Variants in ANO10 observed in about 807,000 individuals in gnomAD.
ANO10 encodes anoctamin-10.
In ANO10, 77 loss-of-function variants were observed where a neutral mutation model predicts 74.7. The observed-to-expected ratio is 1.03, with a 90% CI of 0.86 to 1.25. The LOEUF (loss-of-function observed/expected upper bound fraction) is 1.25, where lower values mean the gene tolerates loss of function less well. ANO10 is among the 50% of genes most tolerant of loss of function. The pLI, the probability that ANO10 is intolerant of heterozygous loss-of-function variation, is 0.00. For missense variants in ANO10, 721 were observed against 778.1 expected, an observed-to-expected ratio of 0.93 and a Z score of 0.87; for synonymous variants, 279 against 284.9, an observed-to-expected ratio of 0.98 and a Z score of 0.21.
intron 10 of ANO10, among the ~76,000 whole-genome samples, chr3:43,554,256 T>C (rs1453610372): frequency 4.0e-5 from 6 of 151,432 alleles, no homozygotes; most frequent in African/African-American, 1.2e-4. Context: ...TGTAATGATA[T>C]GGTCTCAGCT....
At chr3:43,593,562 A>G (rs1411378882) in intron 4 of ANO10, among the ~76,000 whole-genome samples, 1 of 152,210 alleles carries the variant, frequency 6.6e-6, no homozygotes, top group East Asian at 1.9e-4. Context: ...CAAATGCTGA[A>G]AGATTTTGTC....
At chr3:43,529,779 A>AT (rs1167596841) in intron 11 of ANO10, among the ~76,000 whole-genome samples, 1 of 152,148 alleles carries the variant, frequency 6.6e-6, no homozygotes, top group South Asian at 2.1e-4. Context: ...AACAAAGGAA[A>AT]TTAGGATATT....
intron 1 of ANO10, among the ~76,000 whole-genome samples, chr3:43,670,683 A>T (rs2084047693): frequency 6.6e-6 from 1 of 152,176 alleles, no homozygotes; most frequent in African/African-American, 2.4e-5. Context: ...GGGCTGGTTG[A>T]CAATGGAACT....
At chr3:43,588,564 T>TAA (rs34688033) in intron 4 of ANO10, among the ~76,000 whole-genome samples, 8,287 of 144,820 alleles carry the variant, frequency 0.057, 254 homozygotes, top group African/African-American at 0.069. Flanking sequence ...ATTTACTTAG[T>TAA]AAAAAAAAAA....
In ANO10 at chr3:43,577,144, C is replaced by G; in HGVS notation, c.710G>C (p.Trp237Ser). ...VIGLPYYLFVWEDYDKYVIFA... is the reference protein window; with the variant it reads ...VIGLPYYLFVSEDYDKYVIFA... ...GATCACGTACTTGTCATAGTCTTCC[C>G]ACACAAACAAGTAGTAAGGTAACCC... Residue 237 changes from tryptophan (W) to serine (S), a missense_variant, in exon 6 of 13, where the codon TGG becomes TCG. By Grantham distance (177) the Trp-to-Ser change is radical. Transcript: ENST00000292246. 6.2e-7 allele frequency: 1 copy of G among 1,614,158 alleles called. No individual in the cohort carries two copies. Among genetic ancestry groups the G allele is most frequent in the East Asian group, 2.2e-5 (1 of 44,872 alleles).
intron 12 of ANO10, among the ~76,000 whole-genome samples, chr3:43,384,138 G>T (rs1439129776): frequency 2.6e-5 from 4 of 151,138 alleles, no homozygotes; most frequent in Non-Finnish European, 5.9e-5. Flanking sequence ...ACCAAGCTGA[G>T]AATCAAATCA....
At chr3:43,445,990 CTTTG>C (rs1391680332) in intron 11 of ANO10, among the ~76,000 whole-genome samples, 1 of 152,138 alleles carries the variant, frequency 6.6e-6, no homozygotes, top group Non-Finnish European at 1.5e-5. Flanking sequence ...CAAACCCAGC[CTTTG>C]TTCTGTCAGG....
rs191325100 is a variant in ANO10 at position 43,412,120 on chromosome 3, T to C, written c.1914+20491A>G. ...AATAATAAGGCTATCTGGATAGTTA[T>C]AAATGGACATTTGATGGCTCAAATA... On this transcript the variant is annotated intron_variant, in intron 12 of 12. Transcript: ENST00000292246. Among the ~76,000 whole-genome samples the C allele has an allele frequency of 2.9e-3, 439 of 151,316 alleles. 1 individual carries two copies. Among genetic ancestry groups the C allele is most frequent in the African/African-American group, 0.01 (423 of 41,350 alleles).
intron 12 of ANO10, among the ~76,000 whole-genome samples, chr3:43,427,050 C>A (rs1471263524): frequency 6.6e-6 from 1 of 152,042 alleles, no homozygotes; most frequent in East Asian, 1.9e-4. Context: ...ATCCAAGGAC[C>A]CTGAATTAGA....
At chr3:43,642,977 A>T (rs2083685953) in intron 1 of ANO10, among the ~76,000 whole-genome samples, 1 of 152,008 alleles carries the variant, frequency 6.6e-6, no homozygotes, top group Non-Finnish European at 1.5e-5. Context: ...ATGTTGTGTT[A>T]CATAACCTTG....
At chr3:43,549,014 TGTTTTTAG>T (rs2149305199) in intron 11 of ANO10, among the ~76,000 whole-genome samples, 1 of 152,312 alleles carries the variant, frequency 6.6e-6, no homozygotes, top group South Asian at 2.1e-4. Flanking sequence ...TATCAAAAAG[TGTTTTTAG>T]GATTTGCTTA....
At chr3:43,371,393 C>T (rs575245247) in intron 12 of ANO10, among the ~76,000 whole-genome samples, 77 of 152,294 alleles carry the variant, frequency 5.1e-4, no homozygotes, top group Non-Finnish European at 5.7e-4. Flanking sequence ...ACCTGGTTCC[C>T]CCGAGCCACC....
chr3:43,498,584 G>T (rs2076993674), intron 11 of ANO10, among the ~76,000 whole-genome samples: 1 of 152,186 alleles, frequency 6.6e-6, no homozygotes, highest in Non-Finnish European at 1.5e-5. Flanking sequence ...CTGCCTAAAA[G>T]ATCCCAAGTC....
At chr3:43,418,662 C>G (rs1317150764) in intron 12 of ANO10, among the ~76,000 whole-genome samples, 10 of 152,156 alleles carry the variant, frequency 6.6e-5, no homozygotes, top group Admixed American at 6.5e-4. Flanking sequence ...CAAATTATCC[C>G]AAAACTTAGT....
chr3:43,551,616 G>A, intron 10 of ANO10: 1 of 454,810 alleles, frequency 2.2e-6, no homozygotes, highest in Non-Finnish European at 4.4e-6. Flanking sequence ...AGATTTGTTT[G>A]CATATTCCAA....
intron 11 of ANO10, among the ~76,000 whole-genome samples, chr3:43,504,204 G>T (rs1033326861): frequency 2.6e-5 from 4 of 152,068 alleles, no homozygotes; most frequent in Admixed American, 2.6e-4. Context: ...GGAAGCGGAG[G>T]TTGCAGTGAG....
chr3:43,523,594 G>A (rs1236105523), intron 11 of ANO10, among the ~76,000 whole-genome samples: 1 of 152,146 alleles, frequency 6.6e-6, no homozygotes, highest in African/African-American at 2.4e-5. Context: ...ACAACCACCT[G>A]GACAGTAGCT....
rs372754298 is a variant in ANO10, at chr3:43,417,258, G to A, written c.1914+15353C>T. Among the ~76,000 whole-genome samples the A allele has an allele frequency of 3.3e-5, 5 of 152,290 alleles. No homozygotes were observed. In the East Asian group the frequency reaches 7.7e-4, roughly 24 times the overall value. ...TGGGACTAGGCATATTCAAAATGGTGGCTCCATCTTCCGTTCTCTGCCAAC... is the reference window on the plus strand; with the variant it reads ...TGGGACTAGGCATATTCAAAATGGTAGCTCCATCTTCCGTTCTCTGCCAAC... On this transcript the variant is annotated intron_variant, in intron 12 of 12. Coordinates refer to ENST00000292246, the MANE Select transcript of ANO10 (RefSeq NM_018075.5).
chr3:43,396,614 G>A (rs1425512270), intron 12 of ANO10, among the ~76,000 whole-genome samples: 2 of 152,054 alleles, frequency 1.3e-5, no homozygotes, highest in Non-Finnish European at 2.9e-5. Context: ...TGGGATTACA[G>A]GTATGAGCCA....
Sources: gnomAD v4.1 joint callset for allele counts (sites outside exome capture counted in the v4.1 genomes callset) on GRCh38, gnomAD v4.1.1 for gene constraint, MANE v1.5 for transcripts, NCBI Gene and HGNC (gene_info 2026-07-23, HGNC 2026-07-21) for gene names.